Variants in MED14 observed in about 807,000 individuals in gnomAD.
MED14 encodes the protein mediator complex subunit 14.
Under a neutral mutation model 109.0 loss-of-function variants are expected in MED14, and 8 were observed. The ratio of observed to expected loss-of-function variants is 0.07; its 90% confidence interval spans 0.04 to 0.13. The LOEUF (loss-of-function observed/expected upper bound fraction) is 0.13, where lower values mean the gene tolerates loss of function less well. Ranked by LOEUF, MED14 falls within the 10% of genes least tolerant of loss-of-function variation. The pLI is 1.00. For missense variants in MED14, 711 were observed against 1,142.4 expected, an observed-to-expected ratio of 0.62 and a Z score of 5.44; for synonymous variants, 399 against 408.7, an observed-to-expected ratio of 0.98 and a Z score of 0.29.
intron 12 of MED14, among the ~76,000 whole-genome samples, chrX:40,697,862 AGG>A (rs1204090121): frequency 8.9e-6 from 1 of 112,133 alleles, no homozygotes; most frequent in Non-Finnish European, 1.9e-5. Flanking sequence ...GGCAAAGACC[AGG>A]TTGGGTGCTG....
intron 9 of MED14, 88 bp from the exon 10 acceptor site, chrX:40,709,547 A>G (rs1416870448): frequency 4.8e-6 from 2 of 414,489 alleles, no homozygotes; most frequent in Non-Finnish European, 3.9e-6. Context: ...GCTTCAAAAT[A>G]TTTCCTTTTG....
intron 23 of MED14, among the ~76,000 whole-genome samples, chrX:40,670,499 C>T (rs898764592): frequency 3.6e-5 from 4 of 111,865 alleles, no homozygotes; most frequent in African/African-American, 9.7e-5. Flanking sequence ...CGGTGGCTCA[C>T]GCCTGTAATC....
chrX:40,734,922 G>T (rs1246775668), intron 1 of MED14, among the ~76,000 whole-genome samples: 1 of 111,948 alleles, frequency 8.9e-6, no homozygotes. Flanking sequence ...GAAATCAAGA[G>T]AGTTCTGTTG....
At chrX:40,675,427 T>A in intron 21 of MED14, 66 bp from the exon 22 acceptor site, 1 of 800,356 alleles carries the variant, frequency 1.2e-6, no homozygotes, top group Non-Finnish European at 1.7e-6. Flanking sequence ...TATTTTAAAT[T>A]ATTTAGAATA....
At chrX:40,673,148 C>A (rs768188941) in intron 22 of MED14, among the ~76,000 whole-genome samples, 1 of 111,884 alleles carries the variant, frequency 8.9e-6, no homozygotes, top group African/African-American at 3.2e-5. Flanking sequence ...CAGAAAAAAA[C>A]TGAAAACTGA....
intron 5 of MED14, 57 bp from the exon 6 acceptor site, chrX:40,713,099 T>G: frequency 9.4e-7 from 1 of 1,067,594 alleles, no homozygotes; most frequent in Non-Finnish European, 1.2e-6. Context: ...AATGAGAATC[T>G]TCCTCCTGAC....
At chrX:40,731,632 C>T (rs1208636340) in intron 1 of MED14, among the ~76,000 whole-genome samples, 2 of 112,221 alleles carry the variant, frequency 1.8e-5, no homozygotes, top group Non-Finnish European at 3.8e-5. Context: ...TTTCACAGTA[C>T]ATATAATTTC....
intron 28 of MED14, among the ~76,000 whole-genome samples, chrX:40,657,305 C>T (rs1018902515): frequency 1.8e-5 from 2 of 111,595 alleles, no homozygotes; most frequent in African/African-American, 3.3e-5. Context: ...TCTTTGGAGA[C>T]GTAATCAAAT....
intron 20 of MED14, among the ~76,000 whole-genome samples, chrX:40,680,401 G>A (rs1481768666): frequency 1.8e-5 from 2 of 111,323 alleles, no homozygotes; most frequent in Non-Finnish European, 3.8e-5. Context: ...TTTTGCCTGA[G>A]ACACTAAATG....
At chrX:40,704,442 C>A (rs188273642) in intron 10 of MED14, among the ~76,000 whole-genome samples, 1 of 111,972 alleles carries the variant, frequency 8.9e-6, no homozygotes, top group South Asian at 3.7e-4. Flanking sequence ...ACGTGGCAGG[C>A]GCAGAGGGGA....
At chrX:40,734,555 A>G (rs769021062) in intron 1 of MED14, among the ~76,000 whole-genome samples, 2 of 112,659 alleles carry the variant, frequency 1.8e-5, no homozygotes, top group South Asian at 7.2e-4. Context: ...TCACACACTG[A>G]AATTCGTTAG....
At chrX:40,689,945 G>A (rs749781709) in intron 15 of MED14, among the ~76,000 whole-genome samples, 2 of 111,805 alleles carry the variant, frequency 1.8e-5, no homozygotes, top group Non-Finnish European at 3.8e-5. Flanking sequence ...CAGAGAGGAC[G>A]TATGTCTACA....
intron 21 of MED14, among the ~76,000 whole-genome samples, chrX:40,676,741 A>G (rs752965629): frequency 4.9e-4 from 55 of 111,949 alleles, no homozygotes; most frequent in East Asian, 8.4e-4. Context: ...TGATGGTTTT[A>G]TAAGTAGCAG....
chrX:40,692,674 C>T (rs751949891), intron 14 of MED14, 34 bp downstream of exon 14: 3 of 1,162,238 alleles, frequency 2.6e-6, no homozygotes, highest in Non-Finnish European at 3.5e-6. Flanking sequence ...TTAACACACA[C>T]AAATTCTGTG....
Position 40,674,283 on chromosome X carries a change from T to C in MED14, c.3021+938A>G, listed in dbSNP as rs752594365. Among the ~76,000 whole-genome samples the C allele has an allele frequency of 2.5e-4, 28 of 111,480 alleles. No individual in the cohort carries two copies. In the Admixed American group the frequency reaches 2.7e-3, roughly 11 times the overall value. On this transcript the variant is annotated intron_variant, in intron 22 of 30. Transcript: ENST00000324817. ...AGAAGGGAAACAGTGACAAGGCAAG[T>C]AACCCTAAATAGCTGCCAGGAACAA... is the stretch of plus-strand genomic sequence containing the variant.
chrX:40,707,801 A>C (rs749798808), intron 10 of MED14, among the ~76,000 whole-genome samples: 4 of 111,957 alleles, frequency 3.6e-5, no homozygotes, highest in Non-Finnish European at 7.5e-5. Flanking sequence ...TAATGGGTAC[A>C]CGGTTTCTTT....
intron 3 of MED14, among the ~76,000 whole-genome samples, chrX:40,721,557 C>G (rs1446502164): frequency 8.8e-6 from 1 of 113,048 alleles, no homozygotes; most frequent in African/African-American, 3.2e-5. Flanking sequence ...TCACCCAAAG[C>G]CTGGGGAAAC....
At chrX:40,671,177 G>A (rs1183154837) in intron 23 of MED14, among the ~76,000 whole-genome samples, 2 of 111,622 alleles carry the variant, frequency 1.8e-5, no homozygotes, top group Middle Eastern at 4.6e-3. Flanking sequence ...TAGCTTCCTC[G>A]CTAGATGATA....
chrX:40,685,037 A>G (rs915424329), intron 16 of MED14, among the ~76,000 whole-genome samples: 8 of 112,369 alleles, frequency 7.1e-5, no homozygotes, highest in Non-Finnish European at 1.5e-4. Flanking sequence ...CAGGTTCCCC[A>G]AAAGGAAACC....
Sources: gnomAD v4.1 joint callset for allele counts (sites outside exome capture counted in the v4.1 genomes callset) on GRCh38, gnomAD v4.1.1 for gene constraint, MANE v1.5 for transcripts, NCBI Gene and HGNC (gene_info 2026-07-23, HGNC 2026-07-21) for gene names.